The following TENM3 variants were observed in gnomAD, a reference collection of about 807,000 sequenced individuals.
TENM3 encodes the protein teneurin transmembrane protein 3.
TENM3 carries 63 observed loss-of-function variants against 255.1 expected under a neutral mutation model. The observed-to-expected ratio is 0.25, with a 90% confidence interval of 0.20 to 0.30. TENM3 has a LOEUF of 0.30. Ranked by LOEUF, TENM3 falls within the 10% of genes least tolerant of loss-of-function variation. The probability of loss-of-function intolerance (pLI) is 1.00; values close to 1 mark genes in which losing one functional copy is unlikely to be tolerated. For synonymous variants in TENM3, 1,306 were observed against 1,322.3 expected (o/e 0.99, Z 0.27); for missense variants, 2,929 against 3,461.1 (o/e 0.85, Z 3.86).
intron 22 of TENM3, among the ~76,000 whole-genome samples, chr4:182,769,858 A>G (rs1237386483): frequency 6.6e-6 from 1 of 152,064 alleles, no homozygotes; most frequent in Admixed American, 6.5e-5. Flanking sequence ...TAATCTCAAC[A>G]CTTTAGGAGG....
the TENM3 span, among the ~76,000 whole-genome samples, chr4:181,789,848 C>A: frequency 6.6e-6 from 1 of 152,232 alleles, no homozygotes; most frequent in South Asian, 2.1e-4. Context: ...CATGCCACCC[C>A]CTCCCCGGTA....
intron 18 of TENM3, among the ~76,000 whole-genome samples, chr4:182,741,279 T>C (rs899332103): frequency 2.0e-5 from 3 of 152,254 alleles, no homozygotes; most frequent in African/African-American, 7.2e-5. Context: ...AAGAACATTT[T>C]GACAAGTAGT....
chr4:182,491,785 A>G (rs1429516558), intron 3 of TENM3, among the ~76,000 whole-genome samples: 1 of 152,204 alleles, frequency 6.6e-6, no homozygotes, highest in Non-Finnish European at 1.5e-5. Flanking sequence ...AGGTTGCAAT[A>G]GTATTGCATT....
At chr4:181,831,638 C>T in the TENM3 span, among the ~76,000 whole-genome samples, 1 of 151,650 alleles carries the variant, frequency 6.6e-6, no homozygotes, top group Non-Finnish European at 1.5e-5. Flanking sequence ...TTGAAAAAAA[C>T]TAGGAATGTT....
chr4:182,216,870 T>A (rs1755505325), intron 1 of TENM3, among the ~76,000 whole-genome samples: 1 of 152,166 alleles, frequency 6.6e-6, no homozygotes, highest in African/African-American at 2.4e-5. Context: ...ATGGCAGACT[T>A]GCATTCTATT....
chr4:182,554,998 T>C (rs768563091), intron 3 of TENM3, among the ~76,000 whole-genome samples: 8 of 152,070 alleles, frequency 5.3e-5, no homozygotes, highest in Non-Finnish European at 1.0e-4. Flanking sequence ...TTATTTGTCA[T>C]GCCTCAAGCA....
the TENM3 span, among the ~76,000 whole-genome samples, chr4:182,069,686 A>AACACACACACACACACACAC: frequency 4.0e-5 from 6 of 149,450 alleles, no homozygotes; most frequent in African/African-American, 1.5e-4. Flanking sequence ...TAGATGCATA[A>AACACACACACACACACACAC]ACACACACAC....
the TENM3 span, among the ~76,000 whole-genome samples, chr4:181,645,426 G>C: frequency 1.3e-5 from 2 of 152,186 alleles, no homozygotes; most frequent in Non-Finnish European, 2.9e-5. Context: ...CTCCATGAGA[G>C]CTCCAGTTCC....
the TENM3 span, among the ~76,000 whole-genome samples, chr4:181,659,675 C>T: frequency 6.6e-6 from 1 of 152,182 alleles, no homozygotes; most frequent in Non-Finnish European, 1.5e-5. Flanking sequence ...CTGAAATGTA[C>T]AGCTAGCTAC....
At chr4:181,831,317 G>A in the TENM3 span, among the ~76,000 whole-genome samples, 5 of 152,048 alleles carry the variant, frequency 3.3e-5, no homozygotes, top group African/African-American at 1.2e-4. Flanking sequence ...AGGTGAGTTT[G>A]TCATCTGCAT....
chr4:182,730,534 C>G (rs992740352), intron 15 of TENM3, among the ~76,000 whole-genome samples: 4 of 152,108 alleles, frequency 2.6e-5, no homozygotes, highest in Admixed American at 2.0e-4. Flanking sequence ...CATGGTAATA[C>G]TGTAGTTTTG....
chr4:181,951,795 G>C, the TENM3 span, among the ~76,000 whole-genome samples: 1 of 152,344 alleles, frequency 6.6e-6, no homozygotes, highest in South Asian at 2.1e-4. Context: ...AAACAAACGA[G>C]AGAGAACAGA....
chr4:181,935,051 A>G, the TENM3 span, among the ~76,000 whole-genome samples: 1 of 152,250 alleles, frequency 6.6e-6, no homozygotes, highest in East Asian at 1.9e-4. Flanking sequence ...TGAATTACAC[A>G]TGGCTCACAC....
the TENM3 span, among the ~76,000 whole-genome samples, chr4:181,803,884 A>G: frequency 6.8e-6 from 1 of 147,162 alleles, no homozygotes; most frequent in Non-Finnish European, 1.5e-5. Context: ...GCAGTGAGCT[A>G]TTATTGTGCC....
At chr4:182,791,968 T>C (rs781405068) in intron 25 of TENM3, among the ~76,000 whole-genome samples, 7 of 152,172 alleles carry the variant, frequency 4.6e-5, no homozygotes, top group Non-Finnish European at 8.8e-5. Flanking sequence ...ATCATGCCTG[T>C]ATTATGACTA....
intron 5 of TENM3, among the ~76,000 whole-genome samples, chr4:182,634,708 A>T (rs751093057): frequency 1.9e-4 from 3 of 15,858 alleles, no homozygotes; most frequent in Non-Finnish European, 2.7e-4. Flanking sequence ...CTCTGAAATT[A>T]AAAAAAAAAA....
At chr4:182,242,024 T>C (rs989007006), upstream of TENM3, among the ~76,000 whole-genome samples, 10 of 144,968 alleles carry the variant, frequency 6.9e-5, 1 homozygote, top group East Asian at 3.9e-4. Flanking sequence ...TCCTCTCTCT[T>C]TTTTTTTTTT....
the TENM3 span, among the ~76,000 whole-genome samples, chr4:181,847,398 A>G: frequency 6.6e-6 from 1 of 152,126 alleles, no homozygotes; most frequent in Non-Finnish European, 1.5e-5. Context: ...AAATTTGAGG[A>G]GGTATCATTT....
At chr4:182,573,670 G>T (rs1744631130) in intron 3 of TENM3, among the ~76,000 whole-genome samples, 1 of 152,168 alleles carries the variant, frequency 6.6e-6, no homozygotes, top group Admixed American at 6.5e-5. Context: ...GTTTCTGAAG[G>T]ATTTGAAGGT....
Sources: allele counts gnomAD v4.1 joint callset (sites outside exome capture counted in the v4.1 genomes callset), GRCh38; gene constraint gnomAD v4.1.1; transcripts MANE v1.5; gene names NCBI Gene and HGNC (gene_info 2026-07-23, HGNC 2026-07-21).